The following DACH2 variants were observed in gnomAD, a reference collection of about 807,000 sequenced individuals.
The protein encoded by DACH2 is dachshund family transcription factor 2.
Under a neutral mutation model 35.8 loss-of-function variants are expected in DACH2, and 17 were observed. The ratio of observed to expected loss-of-function variants is 0.48; its 90% CI spans 0.33 to 0.71. The LOEUF (loss-of-function observed/expected upper bound fraction) is 0.71, where lower values mean the gene tolerates loss of function less well. Ranked by LOEUF, DACH2 falls within the 30% of genes least tolerant of loss-of-function variation. The pLI is 0.02. For missense variants in DACH2, 469 were observed against 472.7 expected, an observed-to-expected ratio of 0.99 and a Z score of 0.07; for synonymous variants, 195 against 177.3, an observed-to-expected ratio of 1.10 and a Z score of -0.79.
In DACH2 at chrX:86,557,356, C is replaced by G. The variant is rs758700495; in HGVS notation, c.640+42965C>G. 4.4e-3 allele frequency among the ~76,000 whole-genome samples: 483 copies of G among 110,816 alleles called. 3 individuals are homozygous for G. Among genetic ancestry groups the G allele is most frequent in the Non-Finnish European group, 5.7e-3 (302 of 52,889 alleles). ...ACATGTGGGTGGGCTTTTAAAAAATCTTTTGAAGTCAGGTAGTGTGATGCC... is the reference window on the plus strand; with the variant it reads ...ACATGTGGGTGGGCTTTTAAAAAATGTTTTGAAGTCAGGTAGTGTGATGCC... On this transcript the variant is annotated intron_variant, in intron 3 of 11. Coordinates refer to ENST00000373125, the MANE Select transcript of DACH2 (RefSeq NM_053281.3).
chrX:86,795,528 C>T (rs1051650779), intron 7 of DACH2, among the ~76,000 whole-genome samples: 6 of 112,284 alleles, frequency 5.3e-5, no homozygotes, highest in African/African-American at 1.6e-4. Flanking sequence ...CCACCGCGCC[C>T]GGCCGCATGT....
chrX:86,765,697 G>GTTTTTTTTTTTTTTTTTTTTTT (rs2041925172), intron 7 of DACH2, among the ~76,000 whole-genome samples: 8 of 35,213 alleles, frequency 2.3e-4, no homozygotes, highest in Admixed American at 7.5e-4. Context: ...GTTGTTTTTT[G>GTTTTTTTTTTTTTTTTTTTTTT]GTTTTTTTTT....
At chrX:86,454,490 CG>C (rs1396236256) in intron 2 of DACH2, among the ~76,000 whole-genome samples, 46 of 112,095 alleles carry the variant, frequency 4.1e-4, no homozygotes, top group African/African-American at 1.4e-3. Context: ...TTCTTTATTT[CG>C]TATTCTTGTC....
At chrX:86,425,537 A>G (rs1387168477) in intron 2 of DACH2, among the ~76,000 whole-genome samples, 2 of 110,070 alleles carry the variant, frequency 1.8e-5, no homozygotes, top group Non-Finnish European at 3.8e-5. Flanking sequence ...CTCCTTTTTG[A>G]TTTCTGATTT....
chrX:86,683,523 T>A (rs1295121169), intron 4 of DACH2, among the ~76,000 whole-genome samples: 1 of 111,673 alleles, frequency 9.0e-6, no homozygotes, highest in South Asian at 3.8e-4. Context: ...AGCAACAAGT[T>A]TTTTGCACAT....
At chrX:86,744,507 A>C (rs1296956949) in intron 7 of DACH2, among the ~76,000 whole-genome samples, 1 of 111,820 alleles carries the variant, frequency 8.9e-6, no homozygotes, top group Non-Finnish European at 1.9e-5. Context: ...GAGTATCATC[A>C]TGATTTTAAA....
At chrX:86,560,518 C>T (rs1237084274) in intron 3 of DACH2, among the ~76,000 whole-genome samples, 1 of 107,329 alleles carries the variant, frequency 9.3e-6, no homozygotes, top group African/African-American at 3.4e-5. Flanking sequence ...GCTACAGTAA[C>T]CAAAACAGCA....
chrX:86,346,287 CA>C (rs1391278189), intron 1 of DACH2, among the ~76,000 whole-genome samples: 1 of 54,984 alleles, frequency 1.8e-5, no homozygotes, highest in Non-Finnish European at 3.7e-5. Context: ...CTATGGGATA[CA>C]TTTTTTTTTT....
rs775259030 is a variant in DACH2 at position 86,690,161 on chromosome X, T to A, written c.773-4860T>A. ...AACAACACGGTGCTAAGGTGAAGAA[T>A]GATTGCTTGGAATTTTTATTTAGAA... On this transcript the variant is annotated intron_variant, in intron 4 of 11. Transcript: ENST00000373125. Among the ~76,000 whole-genome samples, 4 of 112,134 alleles carry A rather than the reference T, an allele frequency of 3.6e-5. No individual in the cohort carries two copies. The South Asian group carries it at 1.5e-3, about 41-fold the overall frequency.
chrX:86,825,680 C>G (rs1324210697), intron 11 of DACH2, among the ~76,000 whole-genome samples: 2 of 111,703 alleles, frequency 1.8e-5, no homozygotes, highest in African/African-American at 6.5e-5. Flanking sequence ...CTCCCTTTCT[C>G]TCTCTTCTCA....
At chrX:86,573,461 T>G (rs2039398312) in intron 3 of DACH2, among the ~76,000 whole-genome samples, 1 of 111,491 alleles carries the variant, frequency 9.0e-6, no homozygotes, top group Admixed American at 9.5e-5. Flanking sequence ...GTGAAGAAAT[T>G]CAAAGAGATT....
chrX:86,753,165 C>T (rs1435295317), intron 7 of DACH2, among the ~76,000 whole-genome samples: 2 of 110,715 alleles, frequency 1.8e-5, no homozygotes, highest in African/African-American at 3.3e-5. Context: ...CGGTTACTTC[C>T]AGTCTGTTAT....
At chrX:86,156,989 G>C (rs1046929991) in intron 1 of DACH2, among the ~76,000 whole-genome samples, 1 of 110,992 alleles carries the variant, frequency 9.0e-6, no homozygotes, top group African/African-American at 3.3e-5. Flanking sequence ...TCTTTCAGGT[G>C]TAATTAATTT....
chrX:86,367,814 G>A (rs980823392), intron 1 of DACH2, among the ~76,000 whole-genome samples: 1 of 111,761 alleles, frequency 8.9e-6, no homozygotes, highest in African/African-American at 3.2e-5. Context: ...AAAGTCATAA[G>A]CTCAGAGTTC....
chrX:86,580,609 G>A (rs1033306493), intron 3 of DACH2, among the ~76,000 whole-genome samples: 5 of 111,593 alleles, frequency 4.5e-5, no homozygotes, highest in African/African-American at 1.6e-4. Context: ...AGTAATAACA[G>A]CAGAATCAAC....
chrX:86,317,751 G>A (rs190726707), intron 1 of DACH2, among the ~76,000 whole-genome samples: 13 of 111,363 alleles, frequency 1.2e-4, no homozygotes, highest in African/African-American at 3.9e-4. Context: ...TTAAAGCCAA[G>A]CCCAGCCATG....
chrX:86,276,523 C>T (rs1346038113), intron 1 of DACH2, among the ~76,000 whole-genome samples: 1 of 111,506 alleles, frequency 9.0e-6, no homozygotes, highest in Admixed American at 9.6e-5. Flanking sequence ...TGTGTGGAAG[C>T]TTTTTAACTG....
At chrX:86,800,325 A>C (rs2042280064) in intron 7 of DACH2, among the ~76,000 whole-genome samples, 1 of 111,549 alleles carries the variant, frequency 9.0e-6, no homozygotes, top group East Asian at 2.8e-4. Context: ...ATTGAAATAG[A>C]AGAAAGTAAA....
intron 1 of DACH2, among the ~76,000 whole-genome samples, chrX:86,361,830 C>A (rs2035743655): frequency 1.8e-5 from 2 of 111,029 alleles, no homozygotes; most frequent in African/African-American, 6.5e-5. Flanking sequence ...ATCTATTTTT[C>A]TCCTCTGGGT....
Sources: gnomAD v4.1 joint callset for allele counts (sites outside exome capture counted in the v4.1 genomes callset) on GRCh38, gnomAD v4.1.1 for gene constraint, MANE v1.5 for transcripts, NCBI Gene and HGNC (gene_info 2026-07-23, HGNC 2026-07-21) for gene names.